The following HECW2 variants were observed in gnomAD, a reference collection of about 807,000 sequenced individuals.
HECW2 encodes E3 ubiquitin-protein ligase HECW2.
Under a neutral mutation model 175.2 loss-of-function variants are expected in HECW2, and 61 were observed. The ratio of observed to expected loss-of-function variants is 0.35; its 90% CI spans 0.28 to 0.43. The LOEUF is 0.43. Among genes scored for constraint, HECW2 ranks in the 20% least tolerant of loss-of-function variants. The pLI is 1.00. For synonymous variants in HECW2, 671 were observed against 731.0 expected (o/e 0.92, Z 1.32); for missense variants, 1,524 against 2,000.5 (o/e 0.76, Z 4.54).
Position 196,319,612 on chromosome 2 carries a change from A to C in HECW2, c.1278T>G (p.Asn426Lys). The change falls in exon 9 of 29, where the codon AAT becomes AAG. Residue 426 changes from asparagine (N) to lysine (K), a missense_variant. Coordinates refer to ENST00000644978, the MANE Select transcript of HECW2 (RefSeq NM_001348768.2). ...TCGCTGTCCCCGGCCTGGAGTGGCCATTGTGTTCGATAGCATCTAAGTAAT... is the reference window on the plus strand; with the variant it reads ...TCGCTGTCCCCGGCCTGGAGTGGCCCTTGTGTTCGATAGCATCTAAGTAAT... ...LNDYLDAIEH[N>K]GHSRPGTATC... is the part of the protein sequence containing the mutation. The C allele has an allele frequency of 6.2e-7, 1 of 1,614,198 alleles. No individual in the cohort carries two copies. The highest frequency in any genetic ancestry group is 8.5e-7 in the Non-Finnish European group (1 of 1,180,018).
intron 1 of HECW2, among the ~76,000 whole-genome samples, chr2:196,473,210 G>A (rs565134247): frequency 1.4e-4 from 22 of 152,184 alleles, no homozygotes; most frequent in Non-Finnish European, 2.9e-4. Context: ...TGCATGTACT[G>A]AATAATGTTT....
At chr2:196,315,484 T>G (rs184602965) in intron 10 of HECW2, among the ~76,000 whole-genome samples, 9 of 152,196 alleles carry the variant, frequency 5.9e-5, no homozygotes, top group African/African-American at 2.2e-4. Flanking sequence ...CTAAACATCG[T>G]GTAGTGGGAG....
chr2:196,215,941 A>G lies in HECW2; in HGVS notation c.4531T>C (p.Phe1511Leu). The G allele has an allele frequency of 1.2e-6, 2 of 1,613,914 alleles. No homozygotes were observed. The highest frequency in any genetic ancestry group is 1.7e-6 in the Non-Finnish European group (2 of 1,179,848). ...TGTSSIPYEGFASLRGSNGPR... is the reference protein window; with the variant it reads ...TGTSSIPYEGLASLRGSNGPR... ...CCGTTACTCCCTCGGAGTGAAGCAA[A>G]TCCTTCATAGGGAATGCTGGATGTG... The change falls in exon 28 of 29, where the codon TTT becomes CTT. Residue 1511 changes from phenylalanine (F) to leucine (L), a missense_variant. Transcript: ENST00000644978.
chr2:196,568,151 A>G (rs1023858358), intron 1 of HECW2, among the ~76,000 whole-genome samples: 12 of 152,198 alleles, frequency 7.9e-5, no homozygotes, highest in African/African-American at 2.7e-4. Context: ...TTAAAACCTC[A>G]TAACATGAAG....
intron 4 of HECW2, among the ~76,000 whole-genome samples, chr2:196,330,204 T>C (rs1418195315): frequency 6.6e-6 from 1 of 152,212 alleles, no homozygotes; most frequent in African/African-American, 2.4e-5. Flanking sequence ...GAATTTGCAG[T>C]GCTATTATAC....
intron 2 of HECW2, among the ~76,000 whole-genome samples, chr2:196,420,960 C>T (rs574980614): frequency 6.6e-6 from 1 of 152,164 alleles, no homozygotes; most frequent in African/African-American, 2.4e-5. Context: ...ATGAAAAGAT[C>T]CTAAGATTCT....
intron 13 of HECW2, among the ~76,000 whole-genome samples, chr2:196,298,934 GTTTAT>G (rs1445662835): frequency 2.6e-5 from 4 of 151,964 alleles, no homozygotes; most frequent in Non-Finnish European, 4.4e-5. Context: ...TCAAATAAAA[GTTTAT>G]TTTATAACAT....
chr2:196,443,126 G>A (rs1696087792), intron 1 of HECW2, among the ~76,000 whole-genome samples: 1 of 152,158 alleles, frequency 6.6e-6, no homozygotes, highest in South Asian at 2.1e-4. Context: ...TAGGAGACAG[G>A]ATCCTATGGA....
chr2:196,579,142 TTAAG>T (rs1341958455), intron 1 of HECW2, among the ~76,000 whole-genome samples: 1 of 151,764 alleles, frequency 6.6e-6, no homozygotes, highest in East Asian at 1.9e-4. Context: ...CTAGGTTGTT[TTAAG>T]TAAAGAAGTT....
intron 2 of HECW2, among the ~76,000 whole-genome samples, chr2:196,416,638 G>A (rs1179518240): frequency 6.6e-6 from 1 of 152,132 alleles, no homozygotes; most frequent in Non-Finnish European, 1.5e-5. Flanking sequence ...CTGCCAAAGG[G>A]GACAATTGAA....
In HECW2 at chr2:196,353,759, C is replaced by A. The variant is rs182826339; in HGVS notation, c.293-9995G>T. ...ATTCTTTCTGAATAATGCTTTTTAA[C>A]CAACCAAATGTTGCCTTTTCCAATA... is the stretch of plus-strand genomic sequence containing the variant. On this transcript the variant is annotated intron_variant, in intron 2 of 28. Transcript: ENST00000644978. 3.2e-3 allele frequency among the ~76,000 whole-genome samples: 489 copies of A among 152,328 alleles called. 4 individuals are homozygous for A. The highest frequency in any genetic ancestry group is 0.011 in the African/African-American group (448 of 41,576).
In HECW2 at chr2:196,195,898, T is replaced by A. The variant is rs1686669227; in HGVS notation, c.*5379A>T. 1 of 152,196 alleles carries A rather than the reference T, an allele frequency of 6.6e-6. No homozygotes were observed. The highest frequency in any genetic ancestry group is 2.1e-4 in the South Asian group (1 of 4,832). 9.4% of individuals were successfully genotyped at this position (152,196 alleles called of 1,614,324 possible). A position where few individuals can be genotyped will look rare whatever the true frequency, so the allele number is the denominator to read the frequency against. ...ACAGAAAATGTTAAATTACTGAAGT[T>A]ATAAAATGAGGGTATTTCCCATCTA... On this transcript the variant is annotated 3_prime_UTR_variant, in exon 29 of 29. Transcript: ENST00000644978.
At chr2:196,387,703 G>A in intron 2 of HECW2, among the ~76,000 whole-genome samples, 1 of 152,156 alleles carries the variant, frequency 6.6e-6, no homozygotes, top group South Asian at 2.1e-4. Flanking sequence ...TATAGAGAGA[G>A]ATATATATAT....
Position 196,197,443 on chromosome 2 carries a change from T to G in HECW2, c.*3834A>C, listed in dbSNP as rs1686728128. 1 of 151,914 alleles carries G rather than the reference T, an allele frequency of 6.6e-6. No individual in the cohort carries two copies. Among genetic ancestry groups the G allele is most frequent in the Admixed American group, 6.6e-5 (1 of 15,220 alleles). The allele number at this position is 151,914 out of a possible 1,614,324, so 9.4% of individuals were successfully genotyped here. On this transcript the variant is annotated 3_prime_UTR_variant, in exon 29 of 29. Coordinates refer to ENST00000644978, the MANE Select transcript of HECW2 (RefSeq NM_001348768.2). ...GTTTCCAAATAATACTTGAGAAAATTAAATGACTATTCTGTATAAATCCAT... is the reference window on the plus strand; with the variant it reads ...GTTTCCAAATAATACTTGAGAAAATGAAATGACTATTCTGTATAAATCCAT...
At chr2:196,439,805 G>T (rs1349067388) in intron 1 of HECW2, among the ~76,000 whole-genome samples, 1 of 152,174 alleles carries the variant, frequency 6.6e-6, no homozygotes, top group Non-Finnish European at 1.5e-5. Context: ...AGTTTATGCA[G>T]GGCTGATTAT....
At chr2:196,362,870 C>T (rs993021711) in intron 2 of HECW2, among the ~76,000 whole-genome samples, 14 of 152,248 alleles carry the variant, frequency 9.2e-5, no homozygotes, top group African/African-American at 3.4e-4. Context: ...TAATCAAAGG[C>T]TATAAGACCA....
chr2:196,347,861 T>C (rs1693015932), intron 2 of HECW2, among the ~76,000 whole-genome samples: 1 of 152,274 alleles, frequency 6.6e-6, no homozygotes, highest in Non-Finnish European at 1.5e-5. Context: ...ATATTCTTGA[T>C]AATTCATTAT....
intron 1 of HECW2, among the ~76,000 whole-genome samples, chr2:196,503,045 C>A (rs1001174825): frequency 6.6e-6 from 1 of 152,086 alleles, no homozygotes; most frequent in African/African-American, 2.4e-5. Context: ...ATCCTTCCAC[C>A]CCTAGCTCCA....
intron 1 of HECW2, among the ~76,000 whole-genome samples, chr2:196,531,931 G>A (rs1417041979): frequency 2.0e-5 from 3 of 152,184 alleles, no homozygotes; most frequent in East Asian, 1.9e-4. Context: ...ACTGCTCTTA[G>A]TTTTCTAAAA....
Sources: gnomAD v4.1 joint callset for allele counts (sites outside exome capture counted in the v4.1 genomes callset) on GRCh38, gnomAD v4.1.1 for gene constraint, MANE v1.5 for transcripts, NCBI Gene and HGNC (gene_info 2026-07-23, HGNC 2026-07-21) for gene names.